SMC1B: variants seen among roughly 807,000 people sequenced by gnomAD.
SMC1B encodes structural maintenance of chromosomes protein 1B.
In SMC1B, 60 loss-of-function variants were observed where a neutral mutation model predicts 157.9. The observed-to-expected ratio is 0.38, with a 90% CI of 0.31 to 0.47. The LOEUF is 0.47. SMC1B is among the 20% of genes least tolerant of loss of function. SMC1B has a pLI of 0.99. For missense variants in SMC1B, 1,165 were observed against 1,426.2 expected, an observed-to-expected ratio of 0.82 and a Z score of 2.95; for synonymous variants, 445 against 483.0, an observed-to-expected ratio of 0.92 and a Z score of 1.03.
In SMC1B at chr22:45,344,330, T is replaced by A; in HGVS notation, c.*226A>T. 3.0e-6 allele frequency: 1 copy of A among 329,230 alleles called. No homozygotes were observed. The highest frequency in any genetic ancestry group is 5.5e-6 in the Non-Finnish European group (1 of 182,056). The allele number at this position is 329,230 out of a possible 1,614,324, so 20.4% of individuals were successfully genotyped here. ...AAAATTGTACCTTTTGTTTGTTTTTTAAAAACTCATTTGACACCAGCTCTC... is the reference window on the plus strand; with the variant it reads ...AAAATTGTACCTTTTGTTTGTTTTTAAAAAACTCATTTGACACCAGCTCTC... On this transcript the variant is annotated 3_prime_UTR_variant, in exon 25 of 25. Transcript: ENST00000357450.
intron 12 of SMC1B, among the ~76,000 whole-genome samples, chr22:45,373,988 A>C (rs942601441): frequency 6.6e-6 from 1 of 152,108 alleles, no homozygotes; most frequent in African/African-American, 2.4e-5. Context: ...AAGGTGAACA[A>C]TTTTTGTCTA....
intron 2 of SMC1B, among the ~76,000 whole-genome samples, chr22:45,407,249 G>A (rs969318388): frequency 5.3e-4 from 81 of 152,190 alleles, no homozygotes; most frequent in African/African-American, 1.9e-3. Context: ...AACAACAACA[G>A]CAACAAAAAC....
chr22:45,379,523 TCCCC>T (rs2086914821), intron 12 of SMC1B, among the ~76,000 whole-genome samples: 1 of 152,028 alleles, frequency 6.6e-6, no homozygotes, highest in African/African-American at 2.4e-5. Flanking sequence ...GTCCCTCCTG[TCCCC>T]CTGCGTCCAA....
intron 13 of SMC1B, among the ~76,000 whole-genome samples, chr22:45,371,946 G>A (rs530012801): frequency 6.6e-6 from 1 of 152,178 alleles, no homozygotes; most frequent in African/African-American, 2.4e-5. Flanking sequence ...GGGAGGCTGA[G>A]GCAGGAGGAT....
intron 14 of SMC1B, among the ~76,000 whole-genome samples, chr22:45,371,031 T>C (rs1483601267): frequency 6.6e-6 from 1 of 152,206 alleles, no homozygotes; most frequent in African/African-American, 2.4e-5. Flanking sequence ...TTTCTATCCC[T>C]TTATAAGCAG....
intron 19 of SMC1B, among the ~76,000 whole-genome samples, chr22:45,355,579 G>A (rs142977372): frequency 5.4e-4 from 82 of 152,184 alleles, no homozygotes; most frequent in African/African-American, 1.6e-3. Flanking sequence ...TCAGCCTCCC[G>A]AGTAGCTGGG....
chr22:45,408,187 G>A (rs968002008), intron 2 of SMC1B, among the ~76,000 whole-genome samples: 3 of 152,074 alleles, frequency 2.0e-5, no homozygotes, highest in African/African-American at 7.2e-5. Flanking sequence ...GGGCAGTGGC[G>A]TGATCTCGGC....
intron 22 of SMC1B, among the ~76,000 whole-genome samples, chr22:45,352,225 A>C (rs892167131): frequency 6.6e-6 from 1 of 152,006 alleles, no homozygotes; most frequent in Non-Finnish European, 1.5e-5. Flanking sequence ...GTCTCCAAAA[A>C]AAAAAAAAAA....
chr22:45,384,105 C>A (rs2086966433), intron 11 of SMC1B, among the ~76,000 whole-genome samples: 1 of 152,066 alleles, frequency 6.6e-6, no homozygotes, highest in Admixed American at 6.6e-5. Flanking sequence ...GAAAATAGTA[C>A]CTCAGTGTAA....
chr22:45,372,064 C>G (rs977262572), intron 13 of SMC1B, 91 bp downstream of exon 13: 1 of 1,135,594 alleles, frequency 8.8e-7, no homozygotes, highest in Non-Finnish European at 1.2e-6. Flanking sequence ...AAAAAAGTAT[C>G]TGAAAATTAC....
At chr22:45,366,522 A>G (rs1226079139) in intron 15 of SMC1B, among the ~76,000 whole-genome samples, 1 of 152,224 alleles carries the variant, frequency 6.6e-6, no homozygotes, top group Non-Finnish European at 1.5e-5. Context: ...AAGAGGGGGC[A>G]TTTTATGATG....
At chr22:45,404,411 A>G (rs886945175) in intron 4 of SMC1B, among the ~76,000 whole-genome samples, 3 of 152,232 alleles carry the variant, frequency 2.0e-5, no homozygotes, top group African/African-American at 7.2e-5. Context: ...AAAAAAATCT[A>G]CATTCTGTAG....
chr22:45,411,623 G>T (rs981262231), intron 1 of SMC1B, among the ~76,000 whole-genome samples: 2 of 152,122 alleles, frequency 1.3e-5, no homozygotes, highest in Non-Finnish European at 2.9e-5. Context: ...TTGTTCTGTT[G>T]TTGCCCAGGC....
rs3833396 is a variant in SMC1B at position 45,353,893 on chromosome 22, CAAAAAAAAAAAAAA to C, written c.3273+71_3273+84del. 3.8e-4 allele frequency: 93 copies of C among 247,486 alleles called. 3 individuals carry two copies. Among genetic ancestry groups the C allele is most frequent in the Non-Finnish European group, 5.7e-4 (84 of 146,908 alleles). 15.3% of individuals were successfully genotyped at this position (247,486 alleles called of 1,614,324 possible). Reference sequence around the variant, plus strand: ...TAATGTGGCAGTGGTTATTTCCCACCAAAAAAAAAAAAAAAAAAAAAAAAAAACAACCACCACCG... The same window carrying C: ...TAATGTGGCAGTGGTTATTTCCCACCAAAAAAAAAAAAACAACCACCACCG... On this transcript the variant is annotated intron_variant, in intron 21 of 24. Transcript: ENST00000357450.
At chr22:45,354,904 T>G (rs1211953902) in intron 20 of SMC1B, 55 bp downstream of exon 20, 7 of 1,549,430 alleles carry the variant, frequency 4.5e-6, no homozygotes, top group Middle Eastern at 3.4e-4. Flanking sequence ...GCAAATGTTA[T>G]AGCAATCAAA....
At position 45,383,526 on chromosome 22, in the gene SMC1B, C is replaced by A; in HGVS notation, c.1999G>T (p.Asp667Tyr). Reference protein sequence around the residue: ...SDLKYKARCWDEKELKNLRDR... With the variant: ...SDLKYKARCWYEKELKNLRDR... ...CTTAGATTCTTTAACTCTTTCTCAT[C>A]CCAGCATCTAGCCTTGTATTTTAAG... The change falls in exon 12 of 25, where the codon GAT (aspartate) becomes TAT (tyrosine). Residue 667 changes from aspartate to tyrosine, a missense_variant. Transcript: ENST00000357450. The A allele has an allele frequency of 6.2e-7, 1 of 1,610,524 alleles. No individual in the cohort carries two copies. Among genetic ancestry groups the A allele is most frequent in the Non-Finnish European group, 8.5e-7 (1 of 1,178,910 alleles).
At chr22:45,407,175 G>A (rs1010719781) in intron 2 of SMC1B, among the ~76,000 whole-genome samples, 2 of 152,130 alleles carry the variant, frequency 1.3e-5, no homozygotes, top group Non-Finnish European at 2.9e-5. Flanking sequence ...GTCAACCTGG[G>A]AACTAGGTCA....
chr22:45,372,317 A>C lies in SMC1B; in HGVS notation c.2059-25T>G, dbSNP rs374444854. 8.5e-5 allele frequency: 133 copies of C among 1,556,058 alleles called. No homozygotes were observed. In the African/African-American group the frequency reaches 1.6e-3, roughly 18 times the overall value. On this transcript the variant is annotated intron_variant, in intron 12 of 24. Coordinates refer to ENST00000357450, the MANE Select transcript of SMC1B (RefSeq NM_148674.5). ...CCTAAAAGGAAAGAAAAACATGAGA[A>C]TATTTTATGATAGAAAAGCACTTTC...
chr22:45,409,652 T>C (rs1488036981), intron 1 of SMC1B, among the ~76,000 whole-genome samples: 2 of 151,898 alleles, frequency 1.3e-5, no homozygotes, highest in Non-Finnish European at 2.9e-5. Context: ...GAGGGCTAGA[T>C]TAAAATTGTT....
Sources: gnomAD v4.1 joint callset for allele counts (sites outside exome capture counted in the v4.1 genomes callset) on GRCh38, gnomAD v4.1.1 for gene constraint, MANE v1.5 for transcripts, NCBI Gene and HGNC (gene_info 2026-07-23, HGNC 2026-07-21) for gene names.